ACSM3: variants seen among roughly 807,000 people sequenced by gnomAD.
The protein encoded by ACSM3 is acyl-CoA synthetase medium chain family member 3.
ACSM3 carries 61 observed loss-of-function variants against 74.1 expected under a neutral mutation model. The observed-to-expected ratio is 0.82, with a 90% confidence interval of 0.67 to 1.02. ACSM3 has a LOEUF of 1.02. Ranked by LOEUF, ACSM3 falls within the 50% of genes least tolerant of loss-of-function variation. ACSM3 has a pLI of 0.00. For missense variants in ACSM3, 660 were observed against 697.0 expected, an observed-to-expected ratio of 0.95 and a Z score of 0.60; for synonymous variants, 213 against 241.5, an observed-to-expected ratio of 0.88 and a Z score of 1.09.
intron 1 of ACSM3, among the ~76,000 whole-genome samples, chr16:20,745,536 C>T (rs1307440350): frequency 2.0e-5 from 3 of 152,084 alleles, no homozygotes; most frequent in East Asian, 1.9e-4. Context: ...GAGCTGAAAT[C>T]GTGCCACTGC....
chr16:20,740,763 A>T (rs1304188146), intron 1 of ACSM3, among the ~76,000 whole-genome samples: 1 of 152,194 alleles, frequency 6.6e-6, no homozygotes, highest in African/African-American at 2.4e-5. Flanking sequence ...ATTTCCAAAC[A>T]CTAAGACTTT....
intron 1 of ACSM3, chr16:20,711,615 T>A: frequency 9.0e-7 from 1 of 1,108,964 alleles, no homozygotes; most frequent in Non-Finnish European, 1.3e-6. Flanking sequence ...GTCCTGACTT[T>A]AAGACCAAAC....
rs766701645 is a variant in ACSM3 at position 20,770,270 on chromosome 16, A to C, written c.219+17A>C. On this transcript the variant is annotated intron_variant, in intron 2 of 13. Coordinates refer to ENST00000289416, the MANE Select transcript of ACSM3 (RefSeq NM_005622.4). ...AAGGAAAAGGTATGGGGGGAGGGCC[A>C]GTCAGACCACAATTTCTCAACTGGG... 6.3e-7 allele frequency: 1 copy of C among 1,597,596 alleles called. No homozygotes were observed. Among genetic ancestry groups the C allele is most frequent in the Non-Finnish European group, 8.6e-7 (1 of 1,165,122 alleles).
upstream of ACSM3, among the ~76,000 whole-genome samples, chr16:20,761,875 C>T (rs1391013724): frequency 6.6e-5 from 10 of 152,260 alleles, no homozygotes; most frequent in East Asian, 1.3e-3. Context: ...AAGGGAAAAA[C>T]GCCTCAAATG....
intron 1 of ACSM3, among the ~76,000 whole-genome samples, chr16:20,698,180 A>T (rs1205924418): frequency 1.4e-5 from 2 of 142,904 alleles, no homozygotes; most frequent in Non-Finnish European, 3.0e-5. Flanking sequence ...GGAGACAGAG[A>T]CTCTGTCTCA....
chr16:20,723,871 G>T, intron 1 of ACSM3, among the ~76,000 whole-genome samples: 1 of 152,142 alleles, frequency 6.6e-6, no homozygotes, highest in Non-Finnish European at 1.5e-5. Flanking sequence ...CTGTGCAGAA[G>T]CTCTTTAGTT....
At chr16:20,784,208 A>G (rs1021312567) in intron 7 of ACSM3, among the ~76,000 whole-genome samples, 1 of 152,204 alleles carries the variant, frequency 6.6e-6, no homozygotes, top group Admixed American at 6.5e-5. Context: ...GTTGTGCAAT[A>G]TGGTAGCCAC....
chr16:20,769,708 G>T (rs2080167683), intron 1 of ACSM3, among the ~76,000 whole-genome samples: 2 of 152,184 alleles, frequency 1.3e-5, no homozygotes. Context: ...GCTAGGACCT[G>T]ATAGTTCTGG....
At chr16:20,729,463 T>G (rs909838373) in intron 1 of ACSM3, 2 of 698,434 alleles carry the variant, frequency 2.9e-6, no homozygotes, top group East Asian at 2.6e-5. Flanking sequence ...GGTACCGTAT[T>G]GGGCCATTTG....
chr16:20,690,880 C>T, intron 1 of ACSM3: 2 of 967,394 alleles, frequency 2.1e-6, no homozygotes, highest in South Asian at 3.6e-5. Flanking sequence ...TCTTCCACAA[C>T]ACTGATAAGT....
At chr16:20,721,410 G>A (rs2079785027) in intron 1 of ACSM3, 1 of 152,154 alleles carries the variant, frequency 6.6e-6, no homozygotes, top group African/African-American at 2.4e-5. Context: ...TTTTGTGTTA[G>A]GGTGCAGATT....
chr16:20,687,322 G>A (rs1371144121), intron 1 of ACSM3, among the ~76,000 whole-genome samples: 1 of 152,128 alleles, frequency 6.6e-6, no homozygotes, highest in Non-Finnish European at 1.5e-5. Flanking sequence ...AAGCAAGGAA[G>A]AGACTTTTAG....
chr16:20,742,033 A>C, intron 1 of ACSM3: 1 of 1,432,266 alleles, frequency 7.0e-7, no homozygotes, highest in Non-Finnish European at 9.2e-7. Flanking sequence ...CAAGCCCTTG[A>C]AGCTGGCTCC....
At chr16:20,793,470 A>AAAAAAT (rs56924318) in intron 12 of ACSM3, among the ~76,000 whole-genome samples, 1 of 151,662 alleles carries the variant, frequency 6.6e-6, no homozygotes, top group African/African-American at 2.4e-5. Context: ...CTCCGCCTCA[A>AAAAAAT]AAAAATAAAA....
chr16:20,733,897 G>A (rs1346048740), intron 1 of ACSM3: 1 of 151,664 alleles, frequency 6.6e-6, no homozygotes, highest in Non-Finnish European at 1.5e-5. Context: ...TTTAACTGAC[G>A]TAATTTTTTA....
chr16:20,749,761 A>G (rs953279821), intron 1 of ACSM3: 5 of 152,382 alleles, frequency 3.3e-5, no homozygotes, highest in Non-Finnish European at 7.3e-5. Context: ...GGTAGACCCA[A>G]CAGACAGAGG....
intron 1 of ACSM3, among the ~76,000 whole-genome samples, chr16:20,706,481 G>A (rs2079728681): frequency 6.6e-6 from 1 of 152,174 alleles, no homozygotes; most frequent in Non-Finnish European, 1.5e-5. Flanking sequence ...ATCTATTCAA[G>A]GGCAAAAGTG....
intron 1 of ACSM3, among the ~76,000 whole-genome samples, chr16:20,692,340 C>T (rs571075923): frequency 6.7e-4 from 102 of 152,218 alleles, no homozygotes; most frequent in African/African-American, 2.4e-3. Flanking sequence ...ACTGTGTTGG[C>T]TTGGTTCAGA....
chr16:20,737,958 T>C (rs2079885198), intron 1 of ACSM3: 2 of 1,569,816 alleles, frequency 1.3e-6, no homozygotes, highest in South Asian at 1.2e-5. Context: ...TCTCAGGCTC[T>C]TAAGAAAAAA....
Sources: gnomAD v4.1 joint callset for allele counts (sites outside exome capture counted in the v4.1 genomes callset) on GRCh38, gnomAD v4.1.1 for gene constraint, MANE v1.5 for transcripts, NCBI Gene and HGNC (gene_info 2026-07-23, HGNC 2026-07-21) for gene names.